The following ADAMTS17 variants were observed in gnomAD, a reference collection of about 807,000 sequenced individuals.
ADAMTS17 encodes ADAM metallopeptidase with thrombospondin type 1 motif 17.
A neutral mutation model predicts 141.5 loss-of-function variants in ADAMTS17; 113 were observed. The ratio of observed to expected loss-of-function variants is 0.80; its 90% CI spans 0.69 to 0.93. ADAMTS17 has a LOEUF of 0.93. ADAMTS17 is among the 40% of genes least tolerant of loss of function. The probability of loss-of-function intolerance (pLI) is 0.00; values close to 1 mark genes in which losing one functional copy is unlikely to be tolerated. For synonymous variants in ADAMTS17, 768 were observed against 630.6 expected (o/e 1.22, Z -3.27); for missense variants, 1,659 against 1,517.9 (o/e 1.09, Z -1.54).
intron 13 of ADAMTS17, among the ~76,000 whole-genome samples, chr15:100,112,309 G>T (rs974368032): frequency 6.6e-6 from 1 of 152,012 alleles, no homozygotes; most frequent in Non-Finnish European, 1.5e-5. Flanking sequence ...GGACAGCTGG[G>T]GACACTCAGG....
At chr15:100,277,893 T>C (rs2044153135) in intron 4 of ADAMTS17, among the ~76,000 whole-genome samples, 1 of 152,208 alleles carries the variant, frequency 6.6e-6, no homozygotes. Context: ...CCCAGGCATA[T>C]GCTGACAGAC....
intron 18 of ADAMTS17, among the ~76,000 whole-genome samples, chr15:100,034,126 T>C (rs1269563232): frequency 6.6e-6 from 1 of 152,272 alleles, no homozygotes; most frequent in African/African-American, 2.4e-5. Flanking sequence ...TTGACCTTGC[T>C]GCTGAGAGCA....
At chr15:100,279,046 G>A (rs867122085) in intron 4 of ADAMTS17, among the ~76,000 whole-genome samples, 2 of 152,118 alleles carry the variant, frequency 1.3e-5, no homozygotes, top group African/African-American at 4.8e-5. Context: ...ACAACTACCA[G>A]AGCCGAGATC....
chr15:100,102,127 G>T (rs182870450), intron 14 of ADAMTS17, among the ~76,000 whole-genome samples: 1 of 152,198 alleles, frequency 6.6e-6, no homozygotes, highest in African/African-American at 2.4e-5. Context: ...TTGGCTGCAC[G>T]GAGAACTCCA....
chr15:100,067,671 T>G (rs552404955), intron 15 of ADAMTS17, among the ~76,000 whole-genome samples: 1 of 152,340 alleles, frequency 6.6e-6, no homozygotes, highest in African/African-American at 2.4e-5. Flanking sequence ...TTGGATGACT[T>G]TGTGCTTCCC....
chr15:100,126,677 A>G (rs2037751796), intron 12 of ADAMTS17, among the ~76,000 whole-genome samples: 1 of 152,204 alleles, frequency 6.6e-6, no homozygotes, highest in Non-Finnish European at 1.5e-5. Flanking sequence ...AAAAAATGAT[A>G]TTAGGGATGT....
chr15:100,197,765 A>G (rs1394331068), intron 8 of ADAMTS17, among the ~76,000 whole-genome samples: 2 of 152,164 alleles, frequency 1.3e-5, no homozygotes, highest in African/African-American at 4.8e-5. Context: ...GGAAAGGCCA[A>G]CTACCAAACC....
chr15:100,063,996 G>C (rs796332709), intron 15 of ADAMTS17, among the ~76,000 whole-genome samples: 47 of 152,314 alleles, frequency 3.1e-4, no homozygotes, highest in African/African-American at 1.1e-3. Flanking sequence ...AAATTCGTAT[G>C]TTGAAGTTCT....
rs371735418 is a variant in ADAMTS17 at position 100,024,097 on chromosome 15, TTTG to T, written c.2591+24757_2591+24759del. 5.1e-3 allele frequency among the ~76,000 whole-genome samples: 775 copies of T among 152,172 alleles called. 9 individuals carry two copies. Among genetic ancestry groups the T allele is most frequent in the African/African-American group, 0.017 (718 of 41,504 alleles). On this transcript the variant is annotated intron_variant, in intron 18 of 21. Transcript: ENST00000268070. ...AATCTTTTCTAAAGGTTGATTTTTT[TTTG>T]TTGTTGTTGTTGAGATGGGGTCTTG...
chr15:100,138,647 G>C (rs1269444240), intron 10 of ADAMTS17, among the ~76,000 whole-genome samples: 2 of 152,226 alleles, frequency 1.3e-5, no homozygotes. Flanking sequence ...AGAACCAAGT[G>C]AGAAATACTG....
intron 7 of ADAMTS17, among the ~76,000 whole-genome samples, chr15:100,243,224 C>T (rs544851207): frequency 2.0e-5 from 3 of 152,226 alleles, no homozygotes; most frequent in African/African-American, 7.2e-5. Context: ...TTTATCCACT[C>T]ACCCCTCTAT....
chr15:100,325,293 A>AC (rs1447255362), intron 3 of ADAMTS17, among the ~76,000 whole-genome samples: 1 of 152,004 alleles, frequency 6.6e-6, no homozygotes, highest in Non-Finnish European at 1.5e-5. Flanking sequence ...TGAAGTCCTA[A>AC]CCCCCAGGAC....
chr15:100,316,253 A>AG (rs915192794), intron 3 of ADAMTS17, among the ~76,000 whole-genome samples: 2 of 152,166 alleles, frequency 1.3e-5, no homozygotes, highest in Non-Finnish European at 2.9e-5. Context: ...CTGTGGTGGC[A>AG]GTGCAGCTGG....
chr15:100,109,242 T>C (rs2141098439), intron 13 of ADAMTS17, 126 bp from the exon 14 acceptor site: 4 of 799,208 alleles, frequency 5.0e-6, no homozygotes, highest in East Asian at 4.0e-5. Context: ...TAAAGGTGCA[T>C]GAGCTCAGGT....
intron 7 of ADAMTS17, among the ~76,000 whole-genome samples, chr15:100,210,894 G>C (rs1215794091): frequency 6.6e-6 from 1 of 152,136 alleles, no homozygotes; most frequent in African/African-American, 2.4e-5. Context: ...GAGGTCAGGA[G>C]ATCGAGACCA....
chr15:100,147,347 A>G (rs2038956918), intron 10 of ADAMTS17, among the ~76,000 whole-genome samples: 1 of 152,190 alleles, frequency 6.6e-6, no homozygotes, highest in African/African-American at 2.4e-5. Flanking sequence ...ACGTTCTGAG[A>G]AATCCATCAG....
chr15:100,185,969 G>A (rs574456843), intron 8 of ADAMTS17, among the ~76,000 whole-genome samples: 24 of 152,218 alleles, frequency 1.6e-4, no homozygotes, highest in Admixed American at 5.2e-4. Flanking sequence ...CACTGGTCGT[G>A]TGAGTGCAGC....
chr15:100,262,118 G>A (rs931036017), intron 5 of ADAMTS17, among the ~76,000 whole-genome samples: 4 of 152,144 alleles, frequency 2.6e-5, no homozygotes, highest in Non-Finnish European at 4.4e-5. Flanking sequence ...GAGACCCTCC[G>A]GGAGAGGTGG....
intron 16 of ADAMTS17, 45 bp downstream of exon 16, chr15:100,053,852 C>A: frequency 2.5e-6 from 4 of 1,613,992 alleles, no homozygotes; most frequent in Non-Finnish European, 2.5e-6. Context: ...GTAGACCTCT[C>A]GGAGCCACAC....
Sources: allele counts gnomAD v4.1 joint callset (sites outside exome capture counted in the v4.1 genomes callset), GRCh38; gene constraint gnomAD v4.1.1; transcripts MANE v1.5; gene names NCBI Gene and HGNC (gene_info 2026-07-23, HGNC 2026-07-21).